The following DPP6 variants were observed in gnomAD, a reference collection of about 807,000 sequenced individuals.
The protein encoded by DPP6 is dipeptidyl peptidase like 6.
In DPP6, 69 loss-of-function variants were observed where a neutral mutation model predicts 122.6. The ratio of observed to expected loss-of-function variants is 0.56; its 90% confidence interval spans 0.46 to 0.69. DPP6 has a LOEUF of 0.69. Ranked by LOEUF, DPP6 falls within the 30% of genes least tolerant of loss-of-function variation. The probability of loss-of-function intolerance (pLI) is 0.00; values close to 1 mark genes in which losing one functional copy is unlikely to be tolerated. For missense variants in DPP6, 928 were observed against 1,116.9 expected, an observed-to-expected ratio of 0.83 and a Z score of 2.41; for synonymous variants, 418 against 433.1, an observed-to-expected ratio of 0.97 and a Z score of 0.43.
intron 1 of DPP6, among the ~76,000 whole-genome samples, chr7:154,328,009 C>T (rs1035332287): frequency 6.6e-6 from 1 of 152,148 alleles, no homozygotes; most frequent in African/African-American, 2.4e-5. Context: ...GAGTTTGTTT[C>T]CTGAGACCCC....
At chr7:154,137,386 T>C (rs540314309) in intron 1 of DPP6, among the ~76,000 whole-genome samples, 317 of 151,938 alleles carry the variant, frequency 2.1e-3, no homozygotes, top group African/African-American at 7.4e-3. Context: ...AGTCACCTTC[T>C]CTAGAGAGAT....
intron 16 of DPP6, among the ~76,000 whole-genome samples, chr7:154,817,420 C>T (rs559332708): frequency 6.6e-6 from 1 of 152,088 alleles, no homozygotes; most frequent in Non-Finnish European, 1.5e-5. Flanking sequence ...ATGTCATGAA[C>T]ATTATGAGTG....
chr7:154,408,221 TG>T (rs1462214141), intron 1 of DPP6, among the ~76,000 whole-genome samples: 1 of 152,114 alleles, frequency 6.6e-6, no homozygotes, highest in East Asian at 1.9e-4. Context: ...CCAAGAAAAA[TG>T]GGACACATTT....
At chr7:154,827,810 C>T in intron 16 of DPP6, among the ~76,000 whole-genome samples, 1 of 151,418 alleles carries the variant, frequency 6.6e-6, no homozygotes, top group Non-Finnish European at 1.5e-5. Context: ...TGTCAGATCC[C>T]AAGCGGAGTG....
intron 8 of DPP6, among the ~76,000 whole-genome samples, chr7:154,762,730 T>C (rs1795636604): frequency 6.6e-6 from 1 of 152,236 alleles, no homozygotes; most frequent in African/African-American, 2.4e-5. Flanking sequence ...CCGCCATCTC[T>C]CCTGCAGATA....
chr7:154,398,286 T>C (rs1011402830), intron 1 of DPP6, among the ~76,000 whole-genome samples: 4 of 152,202 alleles, frequency 2.6e-5, no homozygotes, highest in African/African-American at 9.7e-5. Context: ...GGGCAGATAA[T>C]TTAAATAATT....
chr7:154,567,010 C>T, intron 5 of DPP6, 94 bp downstream of exon 5: 1 of 900,736 alleles, frequency 1.1e-6, no homozygotes, highest in Non-Finnish European at 1.7e-6. Context: ...ACTTAGTGAT[C>T]TTTGAATCCA....
chr7:153,851,551 T>C, the DPP6 span, among the ~76,000 whole-genome samples: 17 of 152,350 alleles, frequency 1.1e-4, 1 homozygote, highest in Admixed American at 9.8e-4. Flanking sequence ...TTTGTAACTT[T>C]CAAGCATTTT....
intron 2 of DPP6, among the ~76,000 whole-genome samples, chr7:154,453,222 A>G (rs183984284): frequency 6.6e-6 from 1 of 152,304 alleles, no homozygotes; most frequent in African/African-American, 2.4e-5. Flanking sequence ...GCAGGTGGAC[A>G]GTGGTTTATG....
intron 6 of DPP6, 124 bp downstream of exon 6, chr7:154,637,997 C>G: frequency 1.8e-6 from 2 of 1,096,092 alleles, no homozygotes; most frequent in Non-Finnish European, 1.3e-6. Context: ...GCCAAGGGTG[C>G]TGGTATCGTG....
chr7:154,367,589 T>C (rs1586071465), intron 1 of DPP6, among the ~76,000 whole-genome samples: 2 of 152,230 alleles, frequency 1.3e-5, no homozygotes, highest in Admixed American at 6.5e-5. Flanking sequence ...TTTTATGATA[T>C]AGGTTTGTTT....
rs906312599 is a variant in DPP6, at chr7:154,503,359, A to T, written c.457+28322A>T. Among the ~76,000 whole-genome samples, 6 of 152,182 alleles carry T rather than the reference A, an allele frequency of 3.9e-5. No individual in the cohort carries two copies. The East Asian group carries it at 9.7e-4, about 24-fold the overall frequency. ...TTTGAAGCCAATAGACAGGTACTCC[A>T]GTCCCAGGTTCCATGCTTACTACCC... On this transcript the variant is annotated intron_variant, in intron 3 of 25. Transcript: ENST00000377770.
intron 2 of DPP6, among the ~76,000 whole-genome samples, chr7:154,463,083 C>A: frequency 6.6e-6 from 1 of 151,718 alleles, no homozygotes; most frequent in East Asian, 1.9e-4. Context: ...CATCCAAGAA[C>A]CAAGGCCTAG....
At chr7:153,819,049 CTT>C in the DPP6 span, among the ~76,000 whole-genome samples, 17,509 of 90,486 alleles carry the variant, frequency 0.19, 1,645 homozygotes, top group Middle Eastern at 0.25. Context: ...CGCGCCTGGC[CTT>C]TTTTTTTTTT....
At chr7:154,696,709 G>A (rs1840238356) in intron 7 of DPP6, among the ~76,000 whole-genome samples, 1 of 152,182 alleles carries the variant, frequency 6.6e-6, no homozygotes, top group Non-Finnish European at 1.5e-5. Context: ...TATCAACATA[G>A]CGCCCACCTC....
At chr7:154,117,969 G>A (rs530215407) in intron 1 of DPP6, among the ~76,000 whole-genome samples, 1 of 152,020 alleles carries the variant, frequency 6.6e-6, no homozygotes, top group Admixed American at 6.5e-5. Flanking sequence ...TTTAGGGCTG[G>A]AGCCTGCTGG....
intron 1 of DPP6, among the ~76,000 whole-genome samples, chr7:154,060,057 T>C (rs1281375078): frequency 1.1e-3 from 164 of 149,086 alleles, no homozygotes; most frequent in African/African-American, 3.8e-3. Context: ...AGCCAACCCC[T>C]CTTCCCCCCC....
At chr7:154,387,784 A>G (rs776530618) in intron 1 of DPP6, among the ~76,000 whole-genome samples, 2 of 152,112 alleles carry the variant, frequency 1.3e-5, no homozygotes, top group Non-Finnish European at 2.9e-5. Context: ...CTTTTATGTC[A>G]GTCACCAGGA....
chr7:154,357,447 C>T (rs542087599), intron 1 of DPP6, among the ~76,000 whole-genome samples: 9 of 152,240 alleles, frequency 5.9e-5, no homozygotes, highest in African/African-American at 2.2e-4. Context: ...ATTGCATCAA[C>T]GGCTTTGGTA....
Sources: gnomAD v4.1 joint callset for allele counts (sites outside exome capture counted in the v4.1 genomes callset) on GRCh38, gnomAD v4.1.1 for gene constraint, MANE v1.5 for transcripts, NCBI Gene and HGNC (gene_info 2026-07-23, HGNC 2026-07-21) for gene names.